The following KCTD8 variants were observed in gnomAD, a reference collection of about 807,000 sequenced individuals.
KCTD8 encodes the protein BTB/POZ domain-containing protein KCTD8.
A neutral mutation model predicts 31.5 loss-of-function variants in KCTD8; 27 were observed. The ratio of observed to expected loss-of-function variants is 0.86; its 90% confidence interval spans 0.63 to 1.18. KCTD8 has a LOEUF of 1.18. Among genes scored for constraint, KCTD8 ranks in the 50% most tolerant of loss-of-function variants. KCTD8 has a pLI of 0.00. For synonymous variants in KCTD8, 290 were observed against 280.0 expected (o/e 1.04, Z -0.36); for missense variants, 658 against 647.7 (o/e 1.02, Z -0.17).
chr4:44,348,069 C>T (rs1719080684), intron 1 of KCTD8, among the ~76,000 whole-genome samples: 1 of 152,062 alleles, frequency 6.6e-6, no homozygotes, highest in Non-Finnish European at 1.5e-5. Context: ...CCATTCCTTC[C>T]TAATGAGTGT....
chr4:44,180,554 AT>A (rs912233559), intron 1 of KCTD8, among the ~76,000 whole-genome samples: 19 of 151,748 alleles, frequency 1.3e-4, no homozygotes, highest in African/African-American at 4.6e-4. Flanking sequence ...CCTCTCCAAT[AT>A]TATTTTTGAA....
intron 1 of KCTD8, among the ~76,000 whole-genome samples, chr4:44,194,134 G>A (rs1042394903): frequency 3.3e-5 from 5 of 152,024 alleles, no homozygotes; most frequent in African/African-American, 1.2e-4. Flanking sequence ...ACTTTTCAAT[G>A]ATATGCAGCA....
At chr4:44,296,636 T>C (rs372868321) in intron 1 of KCTD8, among the ~76,000 whole-genome samples, 25 of 152,124 alleles carry the variant, frequency 1.6e-4, no homozygotes, top group East Asian at 5.8e-4. Flanking sequence ...AATAAGTTCA[T>C]AAAATTACTC....
At chr4:44,272,734 C>G (rs1215625822) in intron 1 of KCTD8, among the ~76,000 whole-genome samples, 1 of 152,006 alleles carries the variant, frequency 6.6e-6, no homozygotes, top group East Asian at 1.9e-4. Flanking sequence ...GGCATGATGT[C>G]AGACCCTAGG....
intron 1 of KCTD8, among the ~76,000 whole-genome samples, chr4:44,441,434 C>T (rs1209555692): frequency 6.6e-6 from 1 of 152,098 alleles, no homozygotes; most frequent in Non-Finnish European, 1.5e-5. Flanking sequence ...TATATATTTA[C>T]TATATTTCTA....
chr4:44,373,580 A>G (rs1719845039), intron 1 of KCTD8, among the ~76,000 whole-genome samples: 1 of 152,184 alleles, frequency 6.6e-6, no homozygotes, highest in Non-Finnish European at 1.5e-5. Context: ...TTTATTATGT[A>G]TCTTGACCCA....
intron 1 of KCTD8, among the ~76,000 whole-genome samples, chr4:44,320,745 A>G (rs1718272332): frequency 6.6e-6 from 1 of 152,042 alleles, no homozygotes; most frequent in African/African-American, 2.4e-5. Context: ...TGAACATATA[A>G]TAAATCCCTG....
chr4:44,202,084 A>T (rs1434807249), intron 1 of KCTD8, among the ~76,000 whole-genome samples: 3 of 152,142 alleles, frequency 2.0e-5, no homozygotes. Flanking sequence ...CAAAACCACA[A>T]TGAGATACAG....
chr4:44,403,964 C>A (rs1720726436), intron 1 of KCTD8, among the ~76,000 whole-genome samples: 1 of 151,972 alleles, frequency 6.6e-6, no homozygotes, highest in Non-Finnish European at 1.5e-5. Context: ...AAATATATAA[C>A]CACCTTCGTA....
At chr4:44,418,202 T>C (rs910853787) in intron 1 of KCTD8, among the ~76,000 whole-genome samples, 4 of 151,032 alleles carry the variant, frequency 2.6e-5, no homozygotes, top group African/African-American at 9.7e-5. Context: ...AAGACGACAA[T>C]GGAAAGAGGA....
intron 1 of KCTD8, among the ~76,000 whole-genome samples, chr4:44,262,282 T>C (rs1301259712): frequency 6.6e-6 from 1 of 151,876 alleles, no homozygotes; most frequent in Non-Finnish European, 1.5e-5. Context: ...GATGAGGAAA[T>C]AGATATTTCA....
intron 1 of KCTD8, among the ~76,000 whole-genome samples, chr4:44,314,016 C>A (rs559566479): frequency 6.6e-6 from 1 of 152,102 alleles, no homozygotes; most frequent in Non-Finnish European, 1.5e-5. Context: ...GTAAAATATG[C>A]TAAACATTTT....
At chr4:44,444,810 T>A (rs1219877928) in intron 1 of KCTD8, among the ~76,000 whole-genome samples, 4 of 142,070 alleles carry the variant, frequency 2.8e-5, no homozygotes, top group Non-Finnish European at 6.3e-5. Flanking sequence ...TGGGGGGGAA[T>A]AACATTGATG....
chr4:44,383,482 A>G (rs1720128574), intron 1 of KCTD8, among the ~76,000 whole-genome samples: 1 of 152,084 alleles, frequency 6.6e-6, no homozygotes. Flanking sequence ...AGACCAATGG[A>G]ACAGAACAGA....
intron 1 of KCTD8, among the ~76,000 whole-genome samples, chr4:44,323,561 A>T (rs1173004288): frequency 6.9e-6 from 1 of 145,940 alleles, no homozygotes; most frequent in African/African-American, 2.5e-5. Context: ...TAGTTCAGGA[A>T]ACGTATGACA....
At chr4:44,422,506 A>G (rs2109471618) in intron 1 of KCTD8, among the ~76,000 whole-genome samples, 1 of 152,274 alleles carries the variant, frequency 6.6e-6, no homozygotes, top group South Asian at 2.1e-4. Context: ...AAAATGTATT[A>G]CATCTGGAGT....
intron 1 of KCTD8, among the ~76,000 whole-genome samples, chr4:44,220,708 T>C (rs1213131786): frequency 6.6e-6 from 1 of 152,064 alleles, no homozygotes; most frequent in Non-Finnish European, 1.5e-5. Flanking sequence ...GGGGCAAAAG[T>C]GGAAAGTTTA....
chr4:44,245,201 T>C (rs1309936407), intron 1 of KCTD8, among the ~76,000 whole-genome samples: 3 of 152,076 alleles, frequency 2.0e-5, no homozygotes, highest in African/African-American at 7.2e-5. Context: ...TAGCAAATAG[T>C]AAAGACAGCT....
intron 1 of KCTD8, among the ~76,000 whole-genome samples, chr4:44,227,469 C>G (rs1714999673): frequency 6.6e-6 from 1 of 152,116 alleles, no homozygotes; most frequent in Non-Finnish European, 1.5e-5. Flanking sequence ...CAAGGGACAT[C>G]TTATCTTTCT....
Sources: allele counts gnomAD v4.1 joint callset (sites outside exome capture counted in the v4.1 genomes callset), GRCh38; gene constraint gnomAD v4.1.1; transcripts MANE v1.5; gene names NCBI Gene and HGNC (gene_info 2026-07-23, HGNC 2026-07-21).